MTCL2: variants seen among roughly 807,000 people sequenced by gnomAD.
The protein encoded by MTCL2 is microtubule crosslinking factor 2, also known as microtubule cross-linking factor 2.
chr20:36,856,673 CAGA>C, the MTCL2 span, among the ~76,000 whole-genome samples: 1 of 152,270 alleles, frequency 6.6e-6, no homozygotes, highest in Non-Finnish European at 1.5e-5. Context: ...CCCCCAGCTC[CAGA>C]AGGTTACAAA....
the MTCL2 span, chr20:36,863,479 C>G: frequency 1.7e-6 from 1 of 581,926 alleles, no homozygotes; most frequent in Non-Finnish European, 2.3e-6. The surrounding 1 kb of genome is among the most constrained non-coding windows in gnomAD (Gnocchi z 6.2). Context: ...GCCCCGACAC[C>G]GCGTCCCCGT....
the MTCL2 span, chr20:36,797,091 G>A: frequency 2.5e-6 from 2 of 791,274 alleles, no homozygotes; most frequent in Non-Finnish European, 4.2e-6. Flanking sequence ...GATCTAGCAT[G>A]GTCAGTTTCT....
the MTCL2 span, among the ~76,000 whole-genome samples, chr20:36,791,822 G>C: frequency 1.3e-5 from 2 of 152,234 alleles, no homozygotes; most frequent in Non-Finnish European, 2.9e-5. Context: ...AAAGAGAGGA[G>C]AGGAAGACAG....
chr20:36,860,365 A>T, the MTCL2 span, among the ~76,000 whole-genome samples: 1 of 152,036 alleles, frequency 6.6e-6, no homozygotes, highest in African/African-American at 2.4e-5. Context: ...GATTTCTTGT[A>T]TGACTATTGT....
chr20:36,845,587 C>G, the MTCL2 span, among the ~76,000 whole-genome samples: 4 of 152,222 alleles, frequency 2.6e-5, no homozygotes, highest in African/African-American at 9.6e-5. Context: ...GCTGGGTCTG[C>G]AGGGACGTGG....
chr20:36,861,986 A>T, the MTCL2 span, among the ~76,000 whole-genome samples: 1 of 152,352 alleles, frequency 6.6e-6, no homozygotes, highest in Admixed American at 6.5e-5. Flanking sequence ...TGTTGTGTGC[A>T]CAAGGTCTGC....
chr20:36,792,853 T>TAGAC, the MTCL2 span, among the ~76,000 whole-genome samples: 64 of 141,068 alleles, frequency 4.5e-4, no homozygotes, highest in African/African-American at 8.3e-4. Flanking sequence ...GATAGATAGA[T>TAGAC]AGATAGACAG....
chr20:36,814,707 T>C, the MTCL2 span, among the ~76,000 whole-genome samples: 18 of 152,098 alleles, frequency 1.2e-4, no homozygotes, highest in African/African-American at 4.1e-4. Flanking sequence ...GCCAACATGG[T>C]GAAACCCCAT....
chr20:36,862,631 C>A, the MTCL2 span: 1 of 1,483,106 alleles, frequency 6.7e-7, no homozygotes, highest in Non-Finnish European at 8.9e-7. Flanking sequence ...ACCCCTGCGA[C>A]CTCCCTTTCT....
the MTCL2 span, chr20:36,863,164 C>A: frequency 1.5e-6 from 2 of 1,356,998 alleles, no homozygotes; most frequent in South Asian, 1.6e-5. This position sits in a 1 kb window ranked among gnomAD's most constrained non-coding sequence, Gnocchi z 6.2. Flanking sequence ...GCGCTGCAGG[C>A]GACTGCTGAG....
the MTCL2 span, among the ~76,000 whole-genome samples, chr20:36,826,808 C>A: frequency 6.6e-6 from 1 of 152,094 alleles, no homozygotes; most frequent in Non-Finnish European, 1.5e-5. Context: ...GCTATGAACA[C>A]GGGTGTGTAA....
the MTCL2 span, among the ~76,000 whole-genome samples, chr20:36,862,398 C>G: frequency 2.0e-5 from 3 of 152,206 alleles, no homozygotes; most frequent in African/African-American, 7.2e-5. Flanking sequence ...CGCTCCAAAG[C>G]TTTCTCAAGT....
the MTCL2 span, among the ~76,000 whole-genome samples, chr20:36,854,585 G>A: frequency 6.6e-6 from 1 of 152,142 alleles, no homozygotes; most frequent in East Asian, 1.9e-4. Context: ...GCTGTGGGAG[G>A]CAGGACCACA....
the MTCL2 span, among the ~76,000 whole-genome samples, chr20:36,862,087 G>A: frequency 6.6e-6 from 1 of 152,236 alleles, no homozygotes; most frequent in Non-Finnish European, 1.5e-5. Flanking sequence ...CTGTGGGACC[G>A]TTAGGCTGGG....
At chr20:36,861,313 A>T in the MTCL2 span, among the ~76,000 whole-genome samples, 10 of 152,036 alleles carry the variant, frequency 6.6e-5, no homozygotes, top group Non-Finnish European at 1.3e-4. Flanking sequence ...CCAACACCGA[A>T]CCCGGCCCTT....
the MTCL2 span, among the ~76,000 whole-genome samples, chr20:36,792,112 T>C: frequency 1.3e-5 from 2 of 152,192 alleles, no homozygotes; most frequent in East Asian, 3.9e-4. Context: ...ACAATTAGTT[T>C]TCCAGGAGTG....
the MTCL2 span, among the ~76,000 whole-genome samples, chr20:36,852,886 G>A: frequency 5.2e-3 from 788 of 151,850 alleles, 3 homozygotes; most frequent in African/African-American, 0.017. Flanking sequence ...ATGAAACCCC[G>A]TCTCTACTAA....
the MTCL2 span, chr20:36,803,177 C>A: frequency 6.6e-7 from 1 of 1,507,406 alleles, no homozygotes; most frequent in East Asian, 2.4e-5. Context: ...CTCTCCTTCC[C>A]TCCTGGGTGC....
At chr20:36,780,264 GA>G in the MTCL2 span, 66 of 144,596 alleles carry the variant, frequency 4.6e-4, no homozygotes, top group South Asian at 3.3e-3. Context: ...AATCCACAGA[GA>G]AAAAAAAAAA....
Sources: allele counts gnomAD v4.1 joint callset (sites outside exome capture counted in the v4.1 genomes callset), GRCh38; gene constraint gnomAD v4.1.1; non-coding constraint Gnocchi (gnomAD v3.1); transcripts MANE v1.5; gene names NCBI Gene and HGNC (gene_info 2026-07-23, HGNC 2026-07-21).